PRKN: variants seen among roughly 807,000 people sequenced by gnomAD.
The protein encoded by PRKN is E3 ubiquitin-protein ligase parkin.
In PRKN, 56 loss-of-function variants were observed where a neutral mutation model predicts 59.5. The ratio of observed to expected loss-of-function variants is 0.94; its 90% CI spans 0.76 to 1.18. The LOEUF (loss-of-function observed/expected upper bound fraction) is 1.18, where lower values mean the gene tolerates loss of function less well. PRKN is among the 50% of genes most tolerant of loss of function. The pLI, the probability that PRKN is intolerant of heterozygous loss-of-function variation, is 0.00. For missense variants in PRKN, 657 were observed against 596.4 expected, an observed-to-expected ratio of 1.10 and a Z score of -1.06; for synonymous variants, 250 against 222.1, an observed-to-expected ratio of 1.13 and a Z score of -1.12.
At chr6:162,076,781 A>T (rs978739892) in intron 4 of PRKN, among the ~76,000 whole-genome samples, 1 of 152,180 alleles carries the variant, frequency 6.6e-6, no homozygotes, top group African/African-American at 2.4e-5. Context: ...AACTTTTCTT[A>T]AAATTTGCTC....
intron 6 of PRKN, among the ~76,000 whole-genome samples, chr6:161,965,073 A>C (rs1328178022): frequency 2.0e-5 from 3 of 152,036 alleles, no homozygotes; most frequent in Non-Finnish European, 4.4e-5. Flanking sequence ...AAGCATACCA[A>C]AATCCAGTCA....
intron 4 of PRKN, among the ~76,000 whole-genome samples, chr6:162,133,448 G>A (rs1350121193): frequency 6.6e-6 from 1 of 152,148 alleles, no homozygotes; most frequent in East Asian, 1.9e-4. Flanking sequence ...GGGAAGGGCA[G>A]GTTTGGCAGG....
In PRKN at chr6:161,442,825, A is replaced by G. The variant is rs149991627; in HGVS notation, c.1084-55948T>C. Among the ~76,000 whole-genome samples the G allele has an allele frequency of 1.2e-4, 19 of 152,326 alleles. No individual in the cohort carries two copies. Among genetic ancestry groups the G allele is most frequent in the Non-Finnish European group, 2.6e-4 (18 of 68,030 alleles). ...GGTTCTCTTCCCTTTCATTTTGGAC[A>G]TCGTAACAACTAAACATAACATTTA... On this transcript the variant is annotated intron_variant, in intron 9 of 11. Transcript: ENST00000366898. The surrounding 1 kb of genome is among the most constrained non-coding windows in gnomAD (Gnocchi z 4.6).
intron 1 of PRKN, among the ~76,000 whole-genome samples, chr6:162,458,623 T>G (rs1791017715): frequency 6.8e-6 from 1 of 147,054 alleles, no homozygotes; most frequent in Admixed American, 6.9e-5. Context: ...GTAAAATTAA[T>G]TAGTCCTAGC....
intron 9 of PRKN, among the ~76,000 whole-genome samples, chr6:161,522,879 T>C (rs942430236): frequency 2.6e-5 from 4 of 152,118 alleles, no homozygotes; most frequent in African/African-American, 7.2e-5. Flanking sequence ...AATAAAGAAA[T>C]AGGTAACATT....
chr6:162,431,204 T>G (rs1272530339), intron 2 of PRKN, among the ~76,000 whole-genome samples: 1 of 119,638 alleles, frequency 8.4e-6, no homozygotes, highest in African/African-American at 4.0e-5. Flanking sequence ...AAAAATGGAC[T>G]TGGTTGCCTT....
intron 2 of PRKN, among the ~76,000 whole-genome samples, chr6:162,352,863 C>G (rs77460805): frequency 0.076 from 11,534 of 152,146 alleles, 622 homozygotes; most frequent in Non-Finnish European, 0.11. Context: ...CCCAAATTTA[C>G]ATGGCACCTA....
At chr6:161,522,719 G>C (rs535063296) in intron 9 of PRKN, among the ~76,000 whole-genome samples, 289 of 152,350 alleles carry the variant, frequency 1.9e-3, no homozygotes, top group Non-Finnish European at 3.5e-3. Flanking sequence ...GTAATGCAAA[G>C]ATGACAGCAG....
intron 1 of PRKN, among the ~76,000 whole-genome samples, chr6:162,638,084 C>A (rs1365075713): frequency 6.6e-6 from 1 of 152,102 alleles, no homozygotes; most frequent in African/African-American, 2.4e-5. Context: ...AAAAGAAATG[C>A]TGAAATGTGA....
At chr6:162,646,555 A>T (rs1229962210) in intron 1 of PRKN, among the ~76,000 whole-genome samples, 1 of 152,132 alleles carries the variant, frequency 6.6e-6, no homozygotes, top group Non-Finnish European at 1.5e-5. Context: ...AACTGCTTGG[A>T]TTACAGGCAT....
At chr6:162,043,295 G>GA (rs1251168422) in intron 5 of PRKN, among the ~76,000 whole-genome samples, 1 of 151,958 alleles carries the variant, frequency 6.6e-6, no homozygotes, top group Non-Finnish European at 1.5e-5. Flanking sequence ...TAACCCTGAG[G>GA]AAAAAATCAC....
At chr6:162,337,015 C>T (rs1783875893) in intron 2 of PRKN, among the ~76,000 whole-genome samples, 1 of 152,166 alleles carries the variant, frequency 6.6e-6, no homozygotes, top group African/African-American at 2.4e-5. Context: ...AGAAGAACAA[C>T]TTGTGATTTC....
At chr6:161,928,492 G>A (rs1779047925) in intron 6 of PRKN, among the ~76,000 whole-genome samples, 1 of 152,094 alleles carries the variant, frequency 6.6e-6, no homozygotes, top group East Asian at 1.9e-4. Flanking sequence ...TTATTCCACA[G>A]GATTTAGTCA....
chr6:161,898,086 A>G (rs1190631877), intron 6 of PRKN, among the ~76,000 whole-genome samples: 7 of 152,102 alleles, frequency 4.6e-5, no homozygotes, highest in African/African-American at 1.4e-4. Context: ...TGACTATAAC[A>G]GAACTTGTAG....
intron 4 of PRKN, among the ~76,000 whole-genome samples, chr6:162,193,436 A>G (rs1247214217): frequency 6.6e-6 from 1 of 152,168 alleles, no homozygotes; most frequent in Non-Finnish European, 1.5e-5. Context: ...AGACTTTGAT[A>G]AAATACTTAC....
chr6:161,560,103 T>A lies in PRKN; in HGVS notation c.933+9252A>T, dbSNP rs971182262. ...CTTATCACCCAAACTGTCAGTCCCATATGGGTCCATACGTTTCCTAATATC... is the reference window on the plus strand; with the variant it reads ...CTTATCACCCAAACTGTCAGTCCCAAATGGGTCCATACGTTTCCTAATATC... On this transcript the variant is annotated intron_variant, in intron 8 of 11. Transcript: ENST00000366898. This position sits in a 1 kb window ranked among gnomAD's most constrained non-coding sequence, Gnocchi z 4.9. 6.6e-6 allele frequency among the ~76,000 whole-genome samples: 1 copy of A among 152,160 alleles called. No individual in the cohort carries two copies. Among genetic ancestry groups the A allele is most frequent in the African/African-American group, 2.4e-5 (1 of 41,442 alleles).
At chr6:162,437,078 C>T (rs369976568) in intron 2 of PRKN, among the ~76,000 whole-genome samples, 9 of 146,728 alleles carry the variant, frequency 6.1e-5, no homozygotes, top group African/African-American at 1.8e-4. Context: ...GGCGACAGAG[C>T]GAGACTCTGT....
chr6:161,382,950 A>G (rs1015242384), intron 10 of PRKN, among the ~76,000 whole-genome samples: 2 of 152,238 alleles, frequency 1.3e-5, no homozygotes, highest in African/African-American at 2.4e-5. Flanking sequence ...GAAACGAGTC[A>G]CAAATGGCTC....
chr6:162,201,061 A>G, intron 4 of PRKN, 70 bp downstream of exon 4: 1 of 1,522,608 alleles, frequency 6.6e-7, no homozygotes, highest in Non-Finnish European at 9.1e-7. Context: ...TCATTAGAAA[A>G]ACTGAAAGGC....
Sources: gnomAD v4.1 joint callset for allele counts (sites outside exome capture counted in the v4.1 genomes callset) on GRCh38, gnomAD v4.1.1 for gene constraint, Gnocchi (gnomAD v3.1) non-coding constraint, MANE v1.5 for transcripts, NCBI Gene and HGNC (gene_info 2026-07-23, HGNC 2026-07-21) for gene names.